Variants in GPC5 observed in about 807,000 individuals in gnomAD.
The protein encoded by GPC5 is glypican-5.
A neutral mutation model predicts 53.9 loss-of-function variants in GPC5; 47 were observed. The ratio of observed to expected loss-of-function variants is 0.87; its 90% confidence interval spans 0.69 to 1.11. GPC5 has a LOEUF of 1.11. Among genes scored for constraint, GPC5 ranks in the 50% most tolerant of loss-of-function variants. The probability of loss-of-function intolerance (pLI) is 0.00; values close to 1 mark genes in which losing one functional copy is unlikely to be tolerated. For synonymous variants in GPC5, 286 were observed against 263.3 expected, an observed-to-expected ratio of 1.09 and a Z score of -0.84; for missense variants, 748 against 713.1, an observed-to-expected ratio of 1.05 and a Z score of -0.56.
At chr13:91,977,502 C>T (rs928053094) in intron 6 of GPC5, among the ~76,000 whole-genome samples, 6 of 152,138 alleles carry the variant, frequency 3.9e-5, no homozygotes, top group African/African-American at 1.4e-4. Flanking sequence ...AATGGTCATA[C>T]TTCACTCAAC....
At chr13:91,829,367 G>C (rs1463066247) in intron 5 of GPC5, among the ~76,000 whole-genome samples, 1 of 152,040 alleles carries the variant, frequency 6.6e-6, no homozygotes, top group Admixed American at 6.6e-5. Flanking sequence ...GCAGGAACAT[G>C]GACCGGATTC....
At chr13:92,564,384 G>A (rs1882799068) in intron 7 of GPC5, among the ~76,000 whole-genome samples, 1 of 152,002 alleles carries the variant, frequency 6.6e-6, no homozygotes, top group Non-Finnish European at 1.5e-5. Context: ...ACCTAATGAA[G>A]ATTGAGGTAT....
At chr13:91,520,736 A>ATG (rs780335050) in intron 2 of GPC5, among the ~76,000 whole-genome samples, 161 of 144,412 alleles carry the variant, frequency 1.1e-3, no homozygotes, top group South Asian at 2.6e-3. Flanking sequence ...GTGTGTGTGT[A>ATG]TATATATATA....
chr13:91,618,456 C>T (rs1003494962), intron 2 of GPC5, among the ~76,000 whole-genome samples: 13 of 152,042 alleles, frequency 8.6e-5, no homozygotes, highest in Non-Finnish European at 1.3e-4. Context: ...ATTTCAGGCT[C>T]TGCTTGGGAT....
intron 7 of GPC5, among the ~76,000 whole-genome samples, chr13:92,187,875 G>A (rs749808499): frequency 6.6e-6 from 1 of 152,164 alleles, no homozygotes; most frequent in Non-Finnish European, 1.5e-5. Flanking sequence ...AGAACAGTAT[G>A]ACTAAATGTG....
chr13:92,629,296 C>G (rs1022890202), intron 7 of GPC5, among the ~76,000 whole-genome samples: 1 of 152,140 alleles, frequency 6.6e-6, no homozygotes, highest in Non-Finnish European at 1.5e-5. Context: ...ATTAACTTGA[C>G]TGGAGGAAGA....
At chr13:91,919,331 C>T (rs1393004134) in intron 6 of GPC5, among the ~76,000 whole-genome samples, 2 of 152,182 alleles carry the variant, frequency 1.3e-5, no homozygotes, top group Admixed American at 6.5e-5. Flanking sequence ...TGTGCCTTCT[C>T]CATTTCCTCT....
intron 2 of GPC5, among the ~76,000 whole-genome samples, chr13:91,490,388 A>C (rs1451534381): frequency 6.6e-6 from 1 of 152,170 alleles, no homozygotes; most frequent in East Asian, 1.9e-4. Context: ...AGGAAAGGTA[A>C]TGATTTTGGA....
At chr13:91,819,437 G>T (rs1193558960) in intron 5 of GPC5, among the ~76,000 whole-genome samples, 2 of 152,046 alleles carry the variant, frequency 1.3e-5, no homozygotes, top group East Asian at 3.9e-4. Flanking sequence ...GGGATTACAG[G>T]TGTGAGCCAC....
intron 6 of GPC5, among the ~76,000 whole-genome samples, chr13:92,092,076 C>G (rs930560336): frequency 6.6e-6 from 1 of 152,176 alleles, no homozygotes. Flanking sequence ...TAGCCACTCC[C>G]ATTTATGAGA....
intron 7 of GPC5, among the ~76,000 whole-genome samples, chr13:92,727,355 T>C (rs1050096126): frequency 6.6e-6 from 1 of 151,576 alleles, no homozygotes. Flanking sequence ...AAGCCAGATG[T>C]TGGTTTCTGT....
At chr13:92,679,010 G>A (rs1026758220) in intron 7 of GPC5, among the ~76,000 whole-genome samples, 15 of 152,110 alleles carry the variant, frequency 9.9e-5, no homozygotes, top group Non-Finnish European at 1.9e-4. Flanking sequence ...AAAGGTGGGG[G>A]GAAATGGATT....
chr13:92,532,519 T>C (rs1881597295), intron 7 of GPC5, among the ~76,000 whole-genome samples: 1 of 152,158 alleles, frequency 6.6e-6, no homozygotes, highest in Admixed American at 6.5e-5. Flanking sequence ...CCCAAAGAAA[T>C]ACAAAACACT....
chr13:91,422,008 A>C (rs983788561), intron 1 of GPC5, among the ~76,000 whole-genome samples: 2 of 152,178 alleles, frequency 1.3e-5, no homozygotes, highest in Non-Finnish European at 2.9e-5. Flanking sequence ...AATGGGATGG[A>C]GCCTTGAAAC....
intron 7 of GPC5, among the ~76,000 whole-genome samples, chr13:92,231,310 A>C (rs373260957): frequency 1.3e-5 from 2 of 152,172 alleles, no homozygotes; most frequent in Non-Finnish European, 2.9e-5. Flanking sequence ...ATGCTTCTCC[A>C]CAGTGCATGT....
rs1342726329 is a variant in GPC5, at chr13:92,613,297, A to T, written c.1562-252985A>T. On this transcript the variant is annotated intron_variant, in intron 7 of 7. Transcript: ENST00000377067. ...TTATATAATATATATTTTATATATAAAAATATATAATGTATATAATAAATA... is the reference window on the plus strand; with the variant it reads ...TTATATAATATATATTTTATATATATAAATATATAATGTATATAATAAATA... Among the ~76,000 whole-genome samples, 536 of 116,904 alleles carry T rather than the reference A, an allele frequency of 4.6e-3. 5 individuals are homozygous for T. The highest frequency in any genetic ancestry group is 0.032 in the Admixed American group (268 of 8,314). 76.7% of individuals were successfully genotyped at this position (116,904 alleles called of 152,430 possible).
chr13:91,475,671 T>C (rs1372709847), intron 2 of GPC5, among the ~76,000 whole-genome samples: 1 of 152,050 alleles, frequency 6.6e-6, no homozygotes, highest in African/African-American at 2.4e-5. Context: ...TCCTGGTGTA[T>C]CCATTTTGGG....
At chr13:91,770,907 C>T (rs998775051) in intron 5 of GPC5, among the ~76,000 whole-genome samples, 1 of 151,942 alleles carries the variant, frequency 6.6e-6, no homozygotes, top group Non-Finnish European at 1.5e-5. Context: ...GAGAACAAAA[C>T]CAGAAACATA....
chr13:92,786,614 T>C (rs572682830), intron 7 of GPC5, among the ~76,000 whole-genome samples: 2 of 152,142 alleles, frequency 1.3e-5, no homozygotes, highest in Non-Finnish European at 2.9e-5. Flanking sequence ...AAATAGTACA[T>C]TGAGGTCATG....
Sources: gnomAD v4.1 joint callset for allele counts (sites outside exome capture counted in the v4.1 genomes callset) on GRCh38, gnomAD v4.1.1 for gene constraint, MANE v1.5 for transcripts, NCBI Gene and HGNC (gene_info 2026-07-23, HGNC 2026-07-21) for gene names.